The following PSME4 variants were observed in gnomAD, a reference collection of about 807,000 sequenced individuals.
The protein encoded by PSME4 is proteasome activator subunit 4, also known as proteasome activator complex subunit 4.
In PSME4, 89 loss-of-function variants were observed where a neutral mutation model predicts 253.9. That is an observed-to-expected ratio of 0.35 (90% confidence interval 0.30 to 0.42). The LOEUF is 0.42. PSME4 is among the 10% of genes least tolerant of loss of function. PSME4 has a pLI of 1.00. For synonymous variants in PSME4, 851 were observed against 759.2 expected, an observed-to-expected ratio of 1.12 and a Z score of -1.99; for missense variants, 2,014 against 2,195.2, an observed-to-expected ratio of 0.92 and a Z score of 1.65.
chr2:53,922,476 GT>G, intron 17 of PSME4, 40 bp downstream of exon 17: 1 of 1,593,060 alleles, frequency 6.3e-7, no homozygotes, highest in South Asian at 1.1e-5. Flanking sequence ...GCAAGTCAGT[GT>G]TTTCACAGTC....
chr2:53,921,998 C>T (rs2104452271), intron 17 of PSME4, among the ~76,000 whole-genome samples: 1 of 150,874 alleles, frequency 6.6e-6, no homozygotes, highest in South Asian at 2.1e-4. Context: ...CAGTGAAACC[C>T]CGTCTCTACT....
At chr2:53,899,721 C>T (rs368897856) in intron 29 of PSME4, among the ~76,000 whole-genome samples, 160 bp downstream of exon 29, 6 of 151,890 alleles carry the variant, frequency 4.0e-5, no homozygotes, top group Admixed American at 6.6e-5. Flanking sequence ...GGGAGGCTGA[C>T]GCATGAGAAG....
intron 24 of PSME4, 114 bp downstream of exon 24, chr2:53,908,206 C>G: frequency 1.4e-6 from 1 of 733,766 alleles, no homozygotes; most frequent in Non-Finnish European, 2.2e-6. Context: ...ACTTTTAAAT[C>G]TACTATTTTT....
At chr2:53,882,814 T>C (rs548486958) in intron 41 of PSME4, among the ~76,000 whole-genome samples, 14 of 152,106 alleles carry the variant, frequency 9.2e-5, no homozygotes, top group East Asian at 1.9e-4. Context: ...AATATATTGA[T>C]TGGGTTCATA....
At chr2:53,900,258 G>A (rs776583124) in intron 28 of PSME4, among the ~76,000 whole-genome samples, 1 of 152,020 alleles carries the variant, frequency 6.6e-6, no homozygotes, top group Non-Finnish European at 1.5e-5. Flanking sequence ...TTCTTTTGGG[G>A]TGATGAAAAC....
rs913297214 is a variant in PSME4 at position 53,866,935 on chromosome 2, G to C, written c.5264-55C>G. 3 of 1,492,516 alleles carry C rather than the reference G, an allele frequency of 2.0e-6. No individual in the cohort carries two copies. In the African/African-American group the frequency reaches 4.2e-5, roughly 21 times the overall value. 92.5% of individuals were successfully genotyped at this position (1,492,516 alleles called of 1,614,324 possible). ...ATATATATATGTCTCTAATGCACTTGTTACAGTGAGATAAAATTAGTTTTC... is the reference window on the plus strand; with the variant it reads ...ATATATATATGTCTCTAATGCACTTCTTACAGTGAGATAAAATTAGTTTTC... On this transcript the variant is annotated intron_variant, in intron 44 of 46. Transcript: ENST00000404125.
At chr2:53,889,575 A>C (rs942292191) in intron 37 of PSME4, among the ~76,000 whole-genome samples, 1 of 152,204 alleles carries the variant, frequency 6.6e-6, no homozygotes, top group Non-Finnish European at 1.5e-5. Flanking sequence ...GAAGAAAATC[A>C]AACTAAAACT....
chr2:53,887,443 T>C lies in PSME4; in HGVS notation c.4545A>G (p.Ile1515Met), dbSNP rs147990562. The part of the protein sequence containing the change: ...IGSVLTYIFM[I>M]DVSLPNTTPT... ...GTGTGGTATTTGGCAAAGATACATC[T>C]ATCATGAATATGTAGGTCAGCACAC... Residue 1515 changes from isoleucine (I) to methionine (M), a missense_variant, in exon 40 of 47, where the codon ATA becomes ATG. Transcript: ENST00000404125. The C allele has an allele frequency of 1.9e-6, 3 of 1,613,422 alleles. No homozygotes were observed. Among genetic ancestry groups the C allele is most frequent in the Non-Finnish European group, 2.5e-6 (3 of 1,179,362 alleles).
intron 14 of PSME4, among the ~76,000 whole-genome samples, chr2:53,923,897 C>T (rs1039939783): frequency 8.9e-5 from 11 of 124,166 alleles, no homozygotes; most frequent in African/African-American, 3.6e-4. Context: ...CACTCCAGCC[C>T]AGGTGACAGA....
chr2:53,893,939 C>T, intron 34 of PSME4, 140 bp from the exon 35 acceptor site: 1 of 1,304,166 alleles, frequency 7.7e-7, no homozygotes, highest in Non-Finnish European at 9.9e-7. Context: ...TTCTCATAGA[C>T]TACAGTGATT....
intron 1 of PSME4, among the ~76,000 whole-genome samples, chr2:53,962,159 T>C (rs1670522466): frequency 6.6e-6 from 1 of 152,232 alleles, no homozygotes; most frequent in South Asian, 2.1e-4. Flanking sequence ...TCATTATGGC[T>C]AGCAGATATT....
At position 53,866,731 on chromosome 2, in the gene PSME4, T is replaced by C. The variant is rs13420899; in HGVS notation, c.5397+16A>G. ...CACTGATAATACACGTACAAACTAA[T>C]AAGGAAGAACTGTACCTCAATAGGC... On this transcript the variant is annotated intron_variant, in intron 45 of 46. Coordinates refer to ENST00000404125, the MANE Select transcript of PSME4 (RefSeq NM_014614.3). 3,416 of 1,606,902 alleles carry C rather than the reference T, an allele frequency of 2.1e-3. 64 individuals are homozygous for C. In the African/African-American group the frequency reaches 0.041, roughly 19 times the overall value.
chr2:53,943,622 C>T (rs1024169546), intron 3 of PSME4, among the ~76,000 whole-genome samples: 6 of 151,998 alleles, frequency 3.9e-5, no homozygotes, highest in African/African-American at 1.2e-4. Flanking sequence ...GGGTGGATCA[C>T]GTGAGGTCCA....
intron 41 of PSME4, among the ~76,000 whole-genome samples, chr2:53,882,018 T>C (rs1452051947): frequency 6.6e-6 from 1 of 151,616 alleles, no homozygotes; most frequent in Non-Finnish European, 1.5e-5. Context: ...AGTTTATATA[T>C]AGATATATAT....
At chr2:53,961,014 G>A (rs541562056) in intron 1 of PSME4, among the ~76,000 whole-genome samples, 4 of 152,200 alleles carry the variant, frequency 2.6e-5, no homozygotes, top group African/African-American at 7.2e-5. Context: ...GGCTGAGGCA[G>A]GAGAATCGCT....
chr2:53,880,347 C>T (rs915710538), intron 41 of PSME4, among the ~76,000 whole-genome samples: 2 of 151,984 alleles, frequency 1.3e-5, no homozygotes, highest in African/African-American at 4.8e-5. Flanking sequence ...GTACTTCCAG[C>T]TACACAAGAG....
rs187223882 is a variant in PSME4 at position 53,939,491 on chromosome 2, C to T, written c.545+465G>A. Among the ~76,000 whole-genome samples, 95 of 152,178 alleles carry T rather than the reference C, an allele frequency of 6.2e-4. 1 individual carries two copies. The highest frequency in any genetic ancestry group is 1.2e-3 in the Non-Finnish European group (81 of 68,010). ...CTATAATCCCAATGCTTTGGGAGGC[C>T]AAGGTGGGAGGACTGCTTGAGGCCA... is the stretch of plus-strand genomic sequence containing the variant. On this transcript the variant is annotated intron_variant, in intron 4 of 46. Coordinates refer to ENST00000404125, the MANE Select transcript of PSME4 (RefSeq NM_014614.3).
intron 4 of PSME4, among the ~76,000 whole-genome samples, chr2:53,939,397 T>G (rs1669276313): frequency 6.6e-6 from 1 of 152,084 alleles, no homozygotes. Flanking sequence ...AAATTAAAAT[T>G]AAATTTTATC....
intron 26 of PSME4, among the ~76,000 whole-genome samples, chr2:53,905,613 G>A (rs1186259431): frequency 6.6e-6 from 1 of 152,114 alleles, no homozygotes; most frequent in Non-Finnish European, 1.5e-5. Flanking sequence ...GAGATAAGAC[G>A]ATCGCTTGAG....
Sources: gnomAD v4.1 joint callset for allele counts (sites outside exome capture counted in the v4.1 genomes callset) on GRCh38, gnomAD v4.1.1 for gene constraint, MANE v1.5 for transcripts, NCBI Gene and HGNC (gene_info 2026-07-23, HGNC 2026-07-21) for gene names.